DCTN1: variants seen among roughly 807,000 people sequenced by gnomAD.
DCTN1 encodes the protein 150 kDa dynein-associated polypeptide.
Under a neutral mutation model 161.2 loss-of-function variants are expected in DCTN1, and 61 were observed. The observed-to-expected ratio is 0.38, with a 90% CI of 0.31 to 0.47. The LOEUF is 0.47. Among genes scored for constraint, DCTN1 ranks in the 20% least tolerant of loss-of-function variants. The pLI is 0.99. For missense variants in DCTN1, 1,404 were observed against 1,623.7 expected (o/e 0.86, Z 2.33); for synonymous variants, 653 against 632.4 (o/e 1.03, Z -0.49).
At chr2:74,378,719 CCT>C (rs1171187538) in intron 1 of DCTN1, among the ~76,000 whole-genome samples, 2 of 152,172 alleles carry the variant, frequency 1.3e-5, no homozygotes, top group Non-Finnish European at 2.9e-5. Context: ...TCACTTGTCT[CCT>C]CTGTGTTTCA....
rs1675333434 is a variant in DCTN1 at position 74,378,153 on chromosome 2, G to A, written c.126C>T (p.Gly42=). 3 of 1,614,202 alleles carry A rather than the reference G, an allele frequency of 1.9e-6. No individual in the cohort carries two copies. The highest frequency in any genetic ancestry group is 2.5e-6 in the Non-Finnish European group (3 of 1,180,048). The change falls in exon 2 of 32, where the codon GGC becomes GGT. Residue 42 remains glycine (G), a synonymous_variant. Transcript: ENST00000628224. The part of the protein sequence containing the change: ...RVEVIGKGHR[G]TVAYVGATLF... ...GTGTGGCTCCAACATAGGCCACAGT[G>A]CCTCGGTGGCCTTTTCCAATCACCT...
chr2:74,374,249 C>T, intron 6 of DCTN1, 74 bp downstream of exon 6: 1 of 1,509,464 alleles, frequency 6.6e-7, no homozygotes, highest in Non-Finnish European at 9.2e-7. Flanking sequence ...AATCAGCCCC[C>T]ACCCCCACCC....
At chr2:74,380,620 A>T, upstream of DCTN1, 1 of 469,278 alleles carries the variant, frequency 2.1e-6, no homozygotes, top group Non-Finnish European at 4.4e-6. Context: ...TCTCTCATCT[A>T]CCTTTCTGGT....
chr2:74,377,299 C>T lies in DCTN1; in HGVS notation c.393+133G>A. 6.2e-6 allele frequency: 5 copies of T among 805,178 alleles called. No individual in the cohort carries two copies. The South Asian group carries it at 7.2e-5, about 12-fold the overall frequency. The allele number at this position is 805,178 out of a possible 1,614,324, so 49.9% of individuals were successfully genotyped here. ...CAATTAATCCCCAGAAAGCCTCCTT[C>T]TTAGGGAAGTTGGAGAGACTAGAAG... On this transcript the variant is annotated intron_variant, in intron 4 of 31. Transcript: ENST00000628224.
upstream of DCTN1, among the ~76,000 whole-genome samples, chr2:74,382,466 G>T (rs537122390): frequency 6.6e-5 from 10 of 151,988 alleles, no homozygotes; most frequent in African/African-American, 2.2e-4. Flanking sequence ...TGGGTGTGGT[G>T]GCGCATACCT....
chr2:74,377,547 G>A (rs1197762993), intron 3 of DCTN1, 81 bp from the exon 4 acceptor site: 55 of 1,530,116 alleles, frequency 3.6e-5, no homozygotes, highest in Admixed American at 6.7e-5. Flanking sequence ...TGGTAGTGAC[G>A]GAAAAAAATC....
Position 74,371,706 on chromosome 2 carries a change from C to A in DCTN1, c.476G>T (p.Gly159Val), listed in dbSNP as rs768853666. The A allele has an allele frequency of 6.2e-7, 1 of 1,608,536 alleles. No homozygotes were observed. The highest frequency in any genetic ancestry group is 8.5e-7 in the Non-Finnish European group (1 of 1,178,430). Residue 159 changes from glycine (G) to valine (V), a missense_variant, in exon 8 of 32, where the codon GGG (glycine) becomes GTG (valine). Gly to Val is a moderately radical substitution (Grantham distance 109). Coordinates refer to ENST00000628224, the MANE Select transcript of DCTN1 (RefSeq NM_004082.5). ...CAGGGAGCTACTGGCCCCAGCCACC[C>A]CAGTACTGGCTGGGCGCGTGGGCTA... ...RPKPTRPASTGVAGASSSLGP... is the reference protein window; with the variant it reads ...RPKPTRPASTVVAGASSSLGP...
At chr2:74,371,198 G>A in intron 8 of DCTN1, 22 bp from the exon 9 acceptor site, 1 of 1,611,986 alleles carries the variant, frequency 6.2e-7, no homozygotes, top group Non-Finnish European at 8.5e-7. Flanking sequence ...AGGCCTCACG[G>A]TCTGTGCACA....
At chr2:74,361,943 T>G in intron 31 of DCTN1, 109 bp downstream of exon 31, 1 of 1,200,038 alleles carries the variant, frequency 8.3e-7, no homozygotes, top group South Asian at 1.2e-5. Flanking sequence ...ACCCAAGGTA[T>G]GCAGTTGTTA....
chr2:74,367,397 G>A lies in DCTN1; in HGVS notation c.2208C>T (p.Ala736=), dbSNP rs766935441. The change falls in exon 19 of 32, where the codon GCC becomes GCT. Residue 736 remains alanine (A), a synonymous_variant. Transcript: ENST00000628224. ...YYQHLYSIHL[A]EQPEDCTMQL... ...GCATAGTACAGTCCTCAGGCTGTTCGGCAAGGTGGATGCTGTACAGATGCT... is the reference window on the plus strand; with the variant it reads ...GCATAGTACAGTCCTCAGGCTGTTCAGCAAGGTGGATGCTGTACAGATGCT... 21 of 1,613,934 alleles carry A rather than the reference G, an allele frequency of 1.3e-5. No homozygotes were observed. The highest frequency in any genetic ancestry group is 4.0e-5 in the African/African-American group (3 of 74,862).
At chr2:74,365,005 A>C in intron 26 of DCTN1, 70 bp downstream of exon 26, 2 of 1,607,340 alleles carry the variant, frequency 1.2e-6, no homozygotes, top group Non-Finnish European at 1.7e-6. Flanking sequence ...GGCAGAGGTC[A>C]AAATGAGGCC....
chr2:74,371,592 G>C lies in DCTN1; in HGVS notation c.590C>G (p.Pro197Arg). 1.3e-6 allele frequency: 2 copies of C among 1,588,588 alleles called. No individual in the cohort carries two copies. Among genetic ancestry groups the C allele is most frequent in the Non-Finnish European group, 1.7e-6 (2 of 1,167,964 alleles). ...TCCAGGAGAGGTGAGGACCGGCGTG[G>C]GGATGATGGGTGCTGCCAGCGGAGT... ...AQTPLAAPII[P>R]TPVLTSPGAV... Residue 197 changes from proline to arginine, a missense_variant, in exon 8 of 32, where the codon CCC becomes CGC. Pro to Arg is a moderately radical substitution (Grantham distance 103, BLOSUM62 -2). Around this residue, in one of 9 missense-constraint regions of DCTN1, gnomAD observed 174 missense variants for 175.6 expected, o/e 0.99. Transcript: ENST00000628224.
At chr2:74,390,973 G>A (rs1368289368) in intron 1 of DCTN1, among the ~76,000 whole-genome samples, 3 of 152,130 alleles carry the variant, frequency 2.0e-5, no homozygotes, top group Non-Finnish European at 4.4e-5. Context: ...GAGATTCATG[G>A]TAAATATTAT....
At position 74,363,026 on chromosome 2, in the gene DCTN1, G is replaced by A. The variant is rs376549770; in HGVS notation, c.3497C>T (p.Thr1166Met). 21 of 1,613,654 alleles carry A rather than the reference G, an allele frequency of 1.3e-5. No individual in the cohort carries two copies. Among genetic ancestry groups the A allele is most frequent in the Middle Eastern group, 1.7e-4 (1 of 6,060 alleles). Residue 1166 changes from threonine to methionine, a missense_variant, in exon 29 of 32, where the codon ACG becomes ATG. Thr to Met is a moderately conservative substitution (Grantham distance 81). Transcript: ENST00000628224. Reference protein sequence around the residue: ...LETLNQLSTHTHVVDITRTSP... With the variant: ...LETLNQLSTHMHVVDITRTSP... ...GGTGCGAGTGATGTCTACTACGTGC[G>A]TGTGTGTGCTCAATTGATTCAATGT...
rs1329788686 is a variant in DCTN1, at chr2:74,365,877, C to A, written c.2886+16G>T. On this transcript the variant is annotated intron_variant, in intron 24 of 31. Transcript: ENST00000628224. ...AATTTCCTGGCCCCCAGATCCTGAG[C>A]CTACACTACCCTCACCTTAATCTTG... is the stretch of plus-strand genomic sequence containing the variant. 6.2e-7 allele frequency: 1 copy of A among 1,614,132 alleles called. No homozygotes were observed. The highest frequency in any genetic ancestry group is 1.7e-5 in the Admixed American group (1 of 60,010).
intron 19 of DCTN1, 83 bp downstream of exon 19, chr2:74,367,269 C>T (rs1433599908): frequency 2.5e-6 from 4 of 1,574,092 alleles, no homozygotes; most frequent in African/African-American, 2.7e-5. Context: ...TTATGTGACA[C>T]TTCTTGGGTG....
At chr2:74,365,377 T>C in intron 25 of DCTN1, 136 bp from the exon 26 acceptor site, 1 of 1,549,890 alleles carries the variant, frequency 6.5e-7, no homozygotes, top group Non-Finnish European at 8.8e-7. Flanking sequence ...GCTGGGGTGA[T>C]GCAATGGGGT....
chr2:74,389,941 G>T (rs554179526), intron 1 of DCTN1, among the ~76,000 whole-genome samples: 1 of 152,022 alleles, frequency 6.6e-6, no homozygotes, highest in Admixed American at 6.5e-5. Flanking sequence ...TCACAGTAAA[G>T]CACATACATC....
chr2:74,379,787 G>T (rs1675426161), intron 1 of DCTN1, among the ~76,000 whole-genome samples: 1 of 152,152 alleles, frequency 6.6e-6, no homozygotes, highest in Non-Finnish European at 1.5e-5. Flanking sequence ...AGAGTCAGAG[G>T]TCAGGCCTTG....
Sources: allele counts gnomAD v4.1 joint callset (sites outside exome capture counted in the v4.1 genomes callset), GRCh38; gene constraint gnomAD v4.1.1; regional missense constraint gnomAD v4.1.1; transcripts MANE v1.5; gene names NCBI Gene and HGNC (gene_info 2026-07-23, HGNC 2026-07-21).